CCDC138: variants seen among roughly 807,000 people sequenced by gnomAD.
The protein encoded by CCDC138 is coiled-coil domain-containing protein 138.
Under a neutral mutation model 82.3 loss-of-function variants are expected in CCDC138, and 66 were observed. The ratio of observed to expected loss-of-function variants is 0.80; its 90% CI spans 0.66 to 0.98. The LOEUF is 0.98. Among genes scored for constraint, CCDC138 ranks in the 50% least tolerant of loss-of-function variants. The pLI is 0.00. For missense variants in CCDC138, 816 were observed against 758.9 expected (o/e 1.08, Z -0.88); for synonymous variants, 297 against 265.4 (o/e 1.12, Z -1.16).
chr2:108,823,084 C>T (rs1458148191), intron 10 of CCDC138, among the ~76,000 whole-genome samples: 3 of 152,090 alleles, frequency 2.0e-5, no homozygotes, highest in African/African-American at 4.8e-5. Flanking sequence ...CACAGCTTTC[C>T]AAGACTGAAT....
chr2:108,822,754 A>C (rs1270499190), intron 10 of CCDC138, among the ~76,000 whole-genome samples: 1 of 152,234 alleles, frequency 6.6e-6, no homozygotes, highest in Non-Finnish European at 1.5e-5. Flanking sequence ...AAACAAAAAA[A>C]TACATCATAC....
chr2:108,864,405 G>A (rs115586362), intron 13 of CCDC138, among the ~76,000 whole-genome samples: 3,162 of 152,320 alleles, frequency 0.021, 99 homozygotes, highest in African/African-American at 0.07. Flanking sequence ...GCCTATGCCT[G>A]TAATTTCAGC....
At chr2:108,853,872 CTATATAATATATTATATAGTA>C (rs1344563854) in intron 12 of CCDC138, among the ~76,000 whole-genome samples, 2 of 113,686 alleles carry the variant, frequency 1.8e-5, no homozygotes, top group African/African-American at 6.9e-5. Flanking sequence ...AATATATATA[CTATATAATATATTATATAGTA>C]TATATATTAT....
In CCDC138 at chr2:108,853,176, A is replaced by G. The variant is rs143425086; in HGVS notation, c.1517-3618A>G. Among the ~76,000 whole-genome samples the G allele has an allele frequency of 3.9e-5, 6 of 152,304 alleles. No homozygotes were observed. In the East Asian group the frequency reaches 7.7e-4, roughly 20 times the overall value. On this transcript the variant is annotated intron_variant, in intron 12 of 14. Transcript: ENST00000295124. ...GGAATAGTGAAGAAAATGAACATCA[A>G]CCGAGTTCTTGGACTTTGCTGGCAT...
Position 108,839,199 on chromosome 2 carries a change from G to C in CCDC138, c.1221G>C (p.Met407Ile). 1 of 1,608,506 alleles carries C rather than the reference G, an allele frequency of 6.2e-7. No individual in the cohort carries two copies. Residue 407 changes from methionine to isoleucine, a missense_variant, in exon 11 of 15, where the codon ATG becomes ATC. Physicochemically the swap from Met to Ile is conservative, Grantham distance 10. Coordinates refer to ENST00000295124, the MANE Select transcript of CCDC138 (RefSeq NM_144978.3). ...TTTATCTTTAGCTTTTGCCTCTAAT[G>C]ACAGAGCAGCTACAGTGGATGCCAT... ...QEKCVKLLPLMTEQLQWMPFV... is the reference protein window; with the variant it reads ...QEKCVKLLPLITEQLQWMPFV...
intron 10 of CCDC138, among the ~76,000 whole-genome samples, chr2:108,830,763 A>G (rs1206883958): frequency 2.0e-5 from 3 of 152,018 alleles, no homozygotes; most frequent in African/African-American, 7.2e-5. Flanking sequence ...ATCTGAGATC[A>G]CGCCATTGCA....
intron 5 of CCDC138, among the ~76,000 whole-genome samples, chr2:108,797,480 A>G (rs761484846): frequency 2.4e-4 from 37 of 152,114 alleles, no homozygotes; most frequent in Non-Finnish European, 4.0e-4. Flanking sequence ...TGAGTTGAGG[A>G]GTGATTCTGA....
intron 12 of CCDC138, among the ~76,000 whole-genome samples, chr2:108,847,309 C>T (rs1387760315): frequency 6.6e-6 from 1 of 152,218 alleles, no homozygotes; most frequent in South Asian, 2.1e-4. Context: ...GAAGTTTTCT[C>T]CCACAACCAT....
intron 12 of CCDC138, among the ~76,000 whole-genome samples, chr2:108,848,071 A>G (rs1049090029): frequency 6.6e-6 from 1 of 152,230 alleles, no homozygotes; most frequent in African/African-American, 2.4e-5. Context: ...ATAGCCACAC[A>G]TTAAAGCATA....
intron 13 of CCDC138, among the ~76,000 whole-genome samples, chr2:108,861,291 G>A (rs193266928): frequency 2.5e-4 from 38 of 150,896 alleles, no homozygotes; most frequent in African/African-American, 5.6e-4. Context: ...TTTTCATTTC[G>A]TCGATCCTTA....
chr2:108,840,073 G>A (rs978797728), intron 11 of CCDC138, among the ~76,000 whole-genome samples: 2 of 151,918 alleles, frequency 1.3e-5, no homozygotes, highest in Non-Finnish European at 2.9e-5. Flanking sequence ...CATGAATCGT[G>A]TTGAATTTTT....
At chr2:108,824,128 T>C (rs1366966128) in intron 10 of CCDC138, among the ~76,000 whole-genome samples, 5 of 151,314 alleles carry the variant, frequency 3.3e-5, no homozygotes, top group African/African-American at 1.2e-4. Context: ...GTAAATTTTA[T>C]AAACAGTATG....
intron 10 of CCDC138, among the ~76,000 whole-genome samples, chr2:108,828,688 A>C (rs764334371): frequency 4.6e-5 from 7 of 152,158 alleles, no homozygotes; most frequent in Non-Finnish European, 1.0e-4. Flanking sequence ...GATATGTAAA[A>C]TTTAACTCGG....
chr2:108,798,957 C>T (rs1420584087), intron 6 of CCDC138, among the ~76,000 whole-genome samples: 5 of 151,990 alleles, frequency 3.3e-5, no homozygotes, highest in African/African-American at 9.7e-5. Context: ...AGACCATTAG[C>T]GCATATCAGG....
At chr2:108,883,489 C>T (rs1417015472) in intron 2 of CCDC138, 1 of 152,260 alleles carries the variant, frequency 6.6e-6, no homozygotes, top group African/African-American at 2.4e-5. Flanking sequence ...AAGGGCAGGG[C>T]TGGGATGCGA....
intron 1 of CCDC138, 137 bp downstream of exon 1, chr2:108,787,052 G>T (rs971874918): frequency 8.6e-6 from 4 of 463,664 alleles, no homozygotes; most frequent in African/African-American, 8.3e-5. Context: ...CTGCGGCTTG[G>T]GCCTCGTGGA....
chr2:108,823,015 A>G (rs1013227945), intron 10 of CCDC138, among the ~76,000 whole-genome samples: 2 of 152,248 alleles, frequency 1.3e-5, no homozygotes, highest in African/African-American at 4.8e-5. Context: ...CAATGTTATC[A>G]ACAATTGCAT....
At chr2:108,820,231 G>A (rs779152596) in intron 10 of CCDC138, among the ~76,000 whole-genome samples, 23 of 151,952 alleles carry the variant, frequency 1.5e-4, no homozygotes, top group African/African-American at 4.1e-4. Flanking sequence ...AACATGGTGC[G>A]ACCCCGTGCC....
intron 13 of CCDC138, among the ~76,000 whole-genome samples, chr2:108,860,513 GT>G (rs113913339): frequency 0.021 from 2,960 of 141,972 alleles, 78 homozygotes; most frequent in African/African-American, 0.069. Flanking sequence ...GGTTGTTGAG[GT>G]TTTTTTTTTT....
Sources: gnomAD v4.1 joint callset for allele counts (sites outside exome capture counted in the v4.1 genomes callset) on GRCh38, gnomAD v4.1.1 for gene constraint, MANE v1.5 for transcripts, NCBI Gene and HGNC (gene_info 2026-07-23, HGNC 2026-07-21) for gene names.